The following NUP43 variants were observed in gnomAD, a reference collection of about 807,000 sequenced individuals.
NUP43 encodes the protein nucleoporin Nup43.
In NUP43, 32 loss-of-function variants were observed where a neutral mutation model predicts 47.3. The observed-to-expected ratio is 0.68, with a 90% CI of 0.51 to 0.91. The LOEUF (loss-of-function observed/expected upper bound fraction) is 0.91. Ranked by LOEUF, NUP43 falls within the 40% of genes least tolerant of loss-of-function variation. The pLI, the probability that NUP43 is intolerant of heterozygous loss-of-function variation, is 0.00. For missense variants in NUP43, 444 were observed against 453.9 expected (o/e 0.98, Z 0.20); for synonymous variants, 147 against 158.4 (o/e 0.93, Z 0.54).
At chr6:149,742,359 G>T in intron 4 of NUP43, 31 bp downstream of exon 4, 1 of 1,600,280 alleles carries the variant, frequency 6.2e-7, no homozygotes. Flanking sequence ...ACTAGGTTTC[G>T]CCATGTTGGC....
chr6:149,726,700 C>T lies in NUP43; in HGVS notation c.*269G>A, dbSNP rs1397114279. ...TTCCACAAGCTGTCTGTCAATAATA[C>T]TCTGAAGGCAACCTATTCATCAGCA... On this transcript the variant is annotated 3_prime_UTR_variant, in exon 8 of 8. Transcript: ENST00000340413. 5 of 457,516 alleles carry T rather than the reference C, an allele frequency of 1.1e-5. No homozygotes were observed. The highest frequency in any genetic ancestry group is 2.0e-5 in the Non-Finnish European group (5 of 249,544). The allele number at this position is 457,516 out of a possible 1,614,324, so 28.3% of individuals were successfully genotyped here.
At chr6:149,746,828 G>T (rs1758884638), upstream of NUP43, 2 of 672,776 alleles carry the variant, frequency 3.0e-6, no homozygotes, top group Non-Finnish European at 4.3e-6. Context: ...CAATGCAGTA[G>T]AAACCACCTT....
intron 7 of NUP43, chr6:149,727,720 T>TA: frequency 1.0e-6 from 1 of 976,052 alleles, no homozygotes; most frequent in Admixed American, 6.2e-5. Flanking sequence ...CTTTCATTCT[T>TA]ATGCTTTTTA....
chr6:149,736,546 C>T lies in NUP43; in HGVS notation c.715G>A (p.Asp239Asn). The T allele has an allele frequency of 6.2e-7, 1 of 1,612,288 alleles. No individual in the cohort carries two copies. Among genetic ancestry groups the T allele is most frequent in the Non-Finnish European group, 8.5e-7 (1 of 1,178,428 alleles). Residue 239 changes from aspartate (D) to asparagine (N), a missense_variant, in exon 6 of 8, where the codon GAT becomes AAT. Physicochemically the swap from Asp to Asn is conservative, Grantham distance 23. Transcript: ENST00000340413. ...ACATCCCAAATACTCAACATTCCAT[C>T]TTGGCCACCAGTAGCTACAACATGC... is the stretch of plus-strand genomic sequence containing the variant. ...QQHVVATGGQ[D>N]GMLSIWDVRQ...
intron 2 of NUP43, among the ~76,000 whole-genome samples, chr6:149,745,103 T>C (rs111817912): frequency 0.03 from 4,453 of 150,910 alleles, 238 homozygotes; most frequent in African/African-American, 0.1. Context: ...ACACCAGGAT[T>C]TGAAAACTTA....
intron 4 of NUP43, among the ~76,000 whole-genome samples, chr6:149,740,181 T>G (rs1785569828): frequency 7.4e-6 from 1 of 135,010 alleles, no homozygotes; most frequent in Non-Finnish European, 1.5e-5. Context: ...AAGGCTGAGG[T>G]GGGAGGATCG....
At chr6:149,749,145 A>C (rs1786181780), upstream of NUP43, among the ~76,000 whole-genome samples, 1 of 150,450 alleles carries the variant, frequency 6.6e-6, no homozygotes, top group South Asian at 2.1e-4. Flanking sequence ...GTACTCTTCC[A>C]CTCTGAGAGC....
intron 4 of NUP43, among the ~76,000 whole-genome samples, chr6:149,742,169 G>A (rs1785695195): frequency 6.6e-6 from 1 of 152,204 alleles, no homozygotes; most frequent in African/African-American, 2.4e-5. Context: ...TGGGATTACA[G>A]GCATGTGCCA....
intron 4 of NUP43, among the ~76,000 whole-genome samples, chr6:149,740,480 T>A (rs907245871): frequency 1.3e-5 from 2 of 151,668 alleles, no homozygotes; most frequent in Non-Finnish European, 2.9e-5. Flanking sequence ...AATACAAAAA[T>A]TAGGTGGGTG....
At chr6:149,727,513 A>T (rs760339391) in intron 7 of NUP43, 16 of 984,974 alleles carry the variant, frequency 1.6e-5, no homozygotes, top group Admixed American at 6.2e-5. Context: ...CCAGCATACA[A>T]GTTGAATAAG....
chr6:149,730,837 C>T (rs1784998790), intron 7 of NUP43, among the ~76,000 whole-genome samples: 1 of 151,794 alleles, frequency 6.6e-6, no homozygotes, highest in Non-Finnish European at 1.5e-5. Context: ...ATTTGGGAGG[C>T]TGGGGCAGGA....
At position 149,742,482 on chromosome 6, in the gene NUP43, A is replaced by G. The variant is rs748664663; in HGVS notation, c.410T>C (p.Val137Ala). Residue 137 changes from valine (V) to alanine (A), a missense_variant, in exon 4 of 8, where the codon GTT (valine) becomes GCT (alanine). Physicochemically the swap from Val to Ala is moderately conservative, Grantham distance 64. Coordinates refer to ENST00000340413, the MANE Select transcript of NUP43 (RefSeq NM_198887.3). The part of the protein sequence containing the change: ...PSYSSAPCTG[V>A]VCNNPEIVTV... Reference sequence around the variant, plus strand: ...AACGATTTCTGGGTTGTTGCACACAACACCTGTACATGGTGCACTGCTATA... The same window carrying G: ...AACGATTTCTGGGTTGTTGCACACAGCACCTGTACATGGTGCACTGCTATA... 10 of 1,613,904 alleles carry G rather than the reference A, an allele frequency of 6.2e-6. No homozygotes were observed. In the South Asian group the frequency reaches 1.1e-4, roughly 18 times the overall value.
At chr6:149,742,786 T>C (rs951639708) in intron 3 of NUP43, among the ~76,000 whole-genome samples, 13 of 152,344 alleles carry the variant, frequency 8.5e-5, no homozygotes, top group African/African-American at 2.9e-4. Context: ...ATGCCCCACA[T>C]TTATCTCAAA....
At chr6:149,728,940 C>T (rs777442294) in intron 7 of NUP43, among the ~76,000 whole-genome samples, 13 of 152,164 alleles carry the variant, frequency 8.5e-5, no homozygotes, top group Non-Finnish European at 1.3e-4. Flanking sequence ...TCCTCCTACT[C>T]TGCTGTATTC....
Position 149,726,911 on chromosome 6 carries a change from G to T in NUP43, c.*58C>A. ...TCTGATACTAAAATTTTGCACAGAA[G>T]TTGGATTTCAAAAGGCTAATTGCAT... On this transcript the variant is annotated 3_prime_UTR_variant, in exon 8 of 8. Transcript: ENST00000340413. 1 of 1,368,220 alleles carries T rather than the reference G, an allele frequency of 7.3e-7. No homozygotes were observed. Among genetic ancestry groups the T allele is most frequent in the Non-Finnish European group, 1.0e-6 (1 of 971,780 alleles). The allele number at this position is 1,368,220 out of a possible 1,614,324, so 84.8% of individuals were successfully genotyped here.
intron 7 of NUP43, chr6:149,729,409 T>C (rs1784924951): frequency 2.5e-6 from 1 of 405,880 alleles, no homozygotes; most frequent in South Asian, 1.0e-4. Context: ...TAGCAGGTAT[T>C]AATGGTGGGT....
At chr6:149,737,888 A>T (rs780703065) in intron 5 of NUP43, among the ~76,000 whole-genome samples, 2 of 151,982 alleles carry the variant, frequency 1.3e-5, no homozygotes, top group Non-Finnish European at 2.9e-5. Context: ...ACGGGGTTTC[A>T]CTGTGTTGGC....
At chr6:149,727,552 G>A in intron 7 of NUP43, 1 of 964,872 alleles carries the variant, frequency 1.0e-6, no homozygotes, top group Non-Finnish European at 1.2e-6. Context: ...CAAAAATGTA[G>A]GTAATACATG....
chr6:149,740,896 C>T (rs756248766), intron 4 of NUP43, among the ~76,000 whole-genome samples: 10 of 152,122 alleles, frequency 6.6e-5, no homozygotes, highest in Non-Finnish European at 1.3e-4. Flanking sequence ...TATCTAAAGT[C>T]GGGTCAAACT....
Sources: gnomAD v4.1 joint callset for allele counts (sites outside exome capture counted in the v4.1 genomes callset) on GRCh38, gnomAD v4.1.1 for gene constraint, MANE v1.5 for transcripts, NCBI Gene and HGNC (gene_info 2026-07-23, HGNC 2026-07-21) for gene names.